The following KLF12 variants were observed in gnomAD, a reference collection of about 807,000 sequenced individuals.
KLF12 encodes Krueppel-like factor 12.
A neutral mutation model predicts 37.8 loss-of-function variants in KLF12; 9 were observed. That is an observed-to-expected ratio of 0.24 (90% CI 0.14 to 0.42). The LOEUF is 0.42. KLF12 is among the 10% of genes least tolerant of loss of function. KLF12 has a pLI of 1.00. For synonymous variants in KLF12, 208 were observed against 202.1 expected (o/e 1.03, Z -0.25); for missense variants, 411 against 516.0 (o/e 0.80, Z 1.97).
intron 3 of KLF12, among the ~76,000 whole-genome samples, chr13:73,898,276 A>C (rs749679301): frequency 1.8e-4 from 27 of 152,210 alleles, no homozygotes; most frequent in African/African-American, 5.5e-4. Context: ...AAGGGTAATT[A>C]ACCGATGTTA....
chr13:73,703,944 G>A (rs1874737852), intron 7 of KLF12, among the ~76,000 whole-genome samples: 1 of 152,118 alleles, frequency 6.6e-6, no homozygotes, highest in African/African-American at 2.4e-5. Context: ...CGATATAAGT[G>A]AACTAAAATA....
chr13:74,274,737 G>A, the KLF12 span, among the ~76,000 whole-genome samples: 3 of 150,340 alleles, frequency 2.0e-5, no homozygotes, highest in African/African-American at 7.4e-5. Flanking sequence ...TTGGTGATCT[G>A]TCTTTATGTA....
chr13:74,021,270 C>T (rs187725426), intron 1 of KLF12, among the ~76,000 whole-genome samples: 2 of 152,034 alleles, frequency 1.3e-5, no homozygotes, highest in African/African-American at 2.4e-5. Context: ...GACTCAATAG[C>T]ATTACTCCCA....
At chr13:74,203,186 G>T in the KLF12 span, among the ~76,000 whole-genome samples, 8 of 152,054 alleles carry the variant, frequency 5.3e-5, no homozygotes, top group African/African-American at 1.9e-4. Flanking sequence ...TCTAAGAGAT[G>T]ATATCTCTTT....
chr13:73,888,526 C>T (rs536137948), intron 3 of KLF12, among the ~76,000 whole-genome samples: 49 of 152,072 alleles, frequency 3.2e-4, no homozygotes, highest in African/African-American at 1.1e-3. Context: ...CTTTTATCAG[C>T]AAAACAATAT....
chr13:74,078,287 A>C (rs1874683347), intron 1 of KLF12, among the ~76,000 whole-genome samples: 1 of 152,232 alleles, frequency 6.6e-6, no homozygotes, highest in African/African-American at 2.4e-5. Flanking sequence ...AAATTGTCAC[A>C]GTGAAGCTCT....
In KLF12 at chr13:73,687,666, T is replaced by A. The variant is rs1873575799; in HGVS notation, c.*7824A>T. 6.6e-6 allele frequency: 1 copy of A among 152,180 alleles called. No individual in the cohort carries two copies. The highest frequency in any genetic ancestry group is 1.5e-5 in the Non-Finnish European group (1 of 68,030). The allele number at this position is 152,180 out of a possible 1,614,324, so 9.4% of individuals were successfully genotyped here. A position where few individuals can be genotyped will look rare whatever the true frequency, so the allele number is the denominator to read the frequency against. ...TACTTTTTGATTGCTTGGACACTTT[T>A]ATCACTAGATTTGGATCCAAATTCT... is the stretch of plus-strand genomic sequence containing the variant. On this transcript the variant is annotated 3_prime_UTR_variant, in exon 8 of 8. Transcript: ENST00000377669.
At chr13:73,902,671 T>A (rs1390873548) in intron 3 of KLF12, among the ~76,000 whole-genome samples, 2 of 152,232 alleles carry the variant, frequency 1.3e-5, no homozygotes, top group South Asian at 4.1e-4. Flanking sequence ...CAGTAATAAT[T>A]CACTGTTAAA....
intron 1 of KLF12, among the ~76,000 whole-genome samples, chr13:74,096,900 A>C (rs772494299): frequency 1.3e-5 from 2 of 152,182 alleles, no homozygotes; most frequent in Non-Finnish European, 2.9e-5. Context: ...TTATGTGCTC[A>C]ACACAGAGCA....
chr13:74,227,630 A>C, the KLF12 span, among the ~76,000 whole-genome samples: 4 of 152,144 alleles, frequency 2.6e-5, no homozygotes, highest in African/African-American at 9.7e-5. Flanking sequence ...GGCTTAGCAA[A>C]CAATACATAA....
intron 3 of KLF12, among the ~76,000 whole-genome samples, chr13:73,864,363 A>G (rs141959178): frequency 6.6e-6 from 1 of 152,236 alleles, no homozygotes; most frequent in African/African-American, 2.4e-5. Flanking sequence ...TTAACAAACT[A>G]TTAAATTCCT....
rs145102042 is a variant in KLF12, at chr13:73,808,205, A to G, written c.806+4947T>C. On this transcript the variant is annotated intron_variant, in intron 5 of 7. Transcript: ENST00000377669. ...CAAGGGGGTGGGGGATCAAGACCAA[A>G]ACAAAACAGATGTTCTAAAAACTGC... 8.3e-4 allele frequency among the ~76,000 whole-genome samples: 126 copies of G among 152,250 alleles called. 8 individuals are homozygous for G. In the East Asian group the frequency reaches 0.024, roughly 29 times the overall value.
At chr13:74,163,260 T>A in the KLF12 span, among the ~76,000 whole-genome samples, 1 of 152,162 alleles carries the variant, frequency 6.6e-6, no homozygotes, top group Non-Finnish European at 1.5e-5. Context: ...AAAATCAGTA[T>A]ATCAAAGAGA....
intron 7 of KLF12, among the ~76,000 whole-genome samples, chr13:73,712,867 A>G (rs1370201840): frequency 6.6e-6 from 1 of 152,220 alleles, no homozygotes; most frequent in Non-Finnish European, 1.5e-5. Flanking sequence ...TTTTTAGACA[A>G]TGCTATTGCA....
chr13:73,912,384 T>C (rs1417271672), intron 3 of KLF12, among the ~76,000 whole-genome samples: 1 of 152,194 alleles, frequency 6.6e-6, no homozygotes, highest in Non-Finnish European at 1.5e-5. Context: ...GTGATTTTAT[T>C]TGGAATAAGG....
At chr13:74,076,197 A>G (rs757659191) in intron 1 of KLF12, among the ~76,000 whole-genome samples, 5 of 152,242 alleles carry the variant, frequency 3.3e-5, no homozygotes, top group Non-Finnish European at 5.9e-5. Flanking sequence ...GAAAATTTTA[A>G]AAGGTAGATT....
intron 3 of KLF12, among the ~76,000 whole-genome samples, chr13:73,936,577 T>C (rs147106542): frequency 6.5e-4 from 99 of 152,240 alleles, no homozygotes; most frequent in African/African-American, 2.3e-3. Flanking sequence ...AATTCCCTCC[T>C]CTACAGTATT....
intron 2 of KLF12, among the ~76,000 whole-genome samples, chr13:73,946,496 C>T (rs529993467): frequency 6.6e-6 from 1 of 152,268 alleles, no homozygotes; most frequent in South Asian, 2.1e-4. Flanking sequence ...ACTATATATT[C>T]ATGATGGTTT....
intron 1 of KLF12, among the ~76,000 whole-genome samples, chr13:74,069,026 CAA>C (rs1444469380): frequency 6.6e-6 from 1 of 152,120 alleles, no homozygotes; most frequent in Non-Finnish European, 1.5e-5. Flanking sequence ...GCTGTGAATA[CAA>C]AAGAGACTAA....
Sources: gnomAD v4.1 joint callset for allele counts (sites outside exome capture counted in the v4.1 genomes callset) on GRCh38, gnomAD v4.1.1 for gene constraint, MANE v1.5 for transcripts, NCBI Gene and HGNC (gene_info 2026-07-23, HGNC 2026-07-21) for gene names.